CCL24: variants seen among roughly 807,000 people sequenced by gnomAD.
CCL24 encodes C-C motif chemokine ligand 24.
In CCL24, 6 loss-of-function variants were observed where a neutral mutation model predicts 8.6. The ratio of observed to expected loss-of-function variants is 0.70; its 90% confidence interval spans 0.38 to 1.38. The LOEUF (loss-of-function observed/expected upper bound fraction) is 1.38. Among genes scored for constraint, CCL24 ranks in the 40% most tolerant of loss-of-function variants. CCL24 has a pLI of 0.02. For missense variants in CCL24, 126 were observed against 147.1 expected (o/e 0.86, Z 0.74); for synonymous variants, 59 against 52.7 (o/e 1.12, Z -0.52).
At position 75,820,058 on chromosome 7, in the gene CCL24, CTT is replaced by C. The variant is rs1371792966; in HGVS notation, c.-60+3262_-60+3263del. On this transcript the variant is annotated intron_variant, in intron 1 of 3. Transcript: ENST00000416943. Reference sequence around the variant, plus strand: ...TCTTCTTCTTCTTCTTCTTCTTCTTCTTCTTCTTCTTCTTCTTCTTCTTCTTC... The same window carrying C: ...TCTTCTTCTTCTTCTTCTTCTTCTTCCTTCTTCTTCTTCTTCTTCTTCTTC... Among the ~76,000 whole-genome samples the C allele has an allele frequency of 2.3e-5, 3 of 133,306 alleles. No individual in the cohort carries two copies. The East Asian group carries it at 8.2e-4, about 36-fold the overall frequency. 87.5% of individuals were successfully genotyped at this position (133,306 alleles called of 152,430 possible).
At chr7:75,821,904 G>C (rs1252131679) in intron 1 of CCL24, among the ~76,000 whole-genome samples, 1 of 150,228 alleles carries the variant, frequency 6.7e-6, no homozygotes, top group African/African-American at 2.4e-5. Context: ...CTCCAGCCTG[G>C]GCGACAGAGC....
At chr7:75,819,285 AAAAAAAAAAAAAAAAAAAATATAT>A (rs1377932506) in intron 1 of CCL24, among the ~76,000 whole-genome samples, 2 of 24,144 alleles carry the variant, frequency 8.3e-5, no homozygotes, top group African/African-American at 1.5e-4. Flanking sequence ...AAAAAAAAAA[AAAAAAAAAAAAAAAAAAAATATAT>A]ATATATATAT....
At chr7:75,813,564 C>A in intron 1 of CCL24, 79 bp downstream of exon 1, 1 of 1,380,462 alleles carries the variant, frequency 7.2e-7, no homozygotes, top group South Asian at 1.2e-5. Context: ...TCCCTCCAGC[C>A]CCAGGCTGGT....
At chr7:75,820,838 T>TCCATCCATCCCTCCAC (rs1804034120) in intron 1 of CCL24, among the ~76,000 whole-genome samples, 1 of 150,976 alleles carries the variant, frequency 6.6e-6, no homozygotes. Context: ...CATCCATCCA[T>TCCATCCATCCCTCCAC]CCATCCATCC....
At chr7:75,821,017 A>AACTATAT (rs1318822326) in intron 1 of CCL24, among the ~76,000 whole-genome samples, 1 of 152,096 alleles carries the variant, frequency 6.6e-6, no homozygotes, top group Non-Finnish European at 1.5e-5. Flanking sequence ...TACCAAGAAA[A>AACTATAT]ACTATATACA....
chr7:75,818,693 G>A (rs1438383292), upstream of CCL24, among the ~76,000 whole-genome samples: 5 of 150,678 alleles, frequency 3.3e-5, no homozygotes, highest in East Asian at 8.0e-4. Flanking sequence ...AGCATGTGTG[G>A]AGGAGGCTGG....
upstream of CCL24, among the ~76,000 whole-genome samples, chr7:75,816,943 C>T (rs1306056631): frequency 6.6e-6 from 1 of 151,950 alleles, no homozygotes; most frequent in East Asian, 1.9e-4. Flanking sequence ...TAGCTCATTG[C>T]AGCTTCCAAC....
chr7:75,820,081 T>TCTG (rs1563353878), intron 1 of CCL24, among the ~76,000 whole-genome samples: 24 of 142,468 alleles, frequency 1.7e-4, no homozygotes, highest in African/African-American at 5.9e-4. Flanking sequence ...TTCTTCTTCT[T>TCTG]CTTCTTCCTC....
intron 1 of CCL24, among the ~76,000 whole-genome samples, chr7:75,820,762 CCCAT>C (rs1358411674): frequency 6.6e-6 from 1 of 150,582 alleles, no homozygotes; most frequent in Non-Finnish European, 1.5e-5. Flanking sequence ...CACCCCTCCA[CCCAT>C]CCATCCATTC....
chr7:75,813,425 T>C lies in CCL24; in HGVS notation c.74-2A>G, dbSNP rs782444180. 15 of 1,597,746 alleles carry C rather than the reference T, an allele frequency of 9.4e-6. No homozygotes were observed. Among genetic ancestry groups the C allele is most frequent in the African/African-American group, 1.3e-5 (1 of 74,648 alleles). ...AGGGAGAGGGGATGACCACAGAGCC[T>C]AGAAGAGGAGAGAGAGAAGAGCCAC... is the stretch of plus-strand genomic sequence containing the variant. On this transcript the variant is annotated splice_acceptor_variant, in intron 1 of 2. Transcript: ENST00000222902. LOFTEE classifies it high-confidence loss of function.
intron 1 of CCL24, among the ~76,000 whole-genome samples, chr7:75,821,252 A>C (rs1804044112): frequency 6.6e-6 from 1 of 152,106 alleles, no homozygotes; most frequent in Admixed American, 6.6e-5. Flanking sequence ...AAGCCCTGGA[A>C]GCCACAGAGA....
At chr7:75,820,323 C>G (rs143525277) in intron 1 of CCL24, among the ~76,000 whole-genome samples, 2 of 151,808 alleles carry the variant, frequency 1.3e-5, no homozygotes, top group East Asian at 3.9e-4. Flanking sequence ...GGATTACAGG[C>G]GCACGCCACC....
intron 1 of CCL24, among the ~76,000 whole-genome samples, chr7:75,820,015 ACTACTTCTTCTTCTT>A (rs1187062081): frequency 1.2e-5 from 1 of 84,386 alleles, no homozygotes; most frequent in African/African-American, 4.3e-5. Context: ...CTTTTAGTAA[ACTACTTCTTCTTCTT>A]CTTCTTCTTC....
At chr7:75,818,446 CAAAAA>C (rs782549486), upstream of CCL24, among the ~76,000 whole-genome samples, 1 of 70,124 alleles carries the variant, frequency 1.4e-5, no homozygotes. Flanking sequence ...GACTCCGTCT[CAAAAA>C]AAAAAAAAAA....
chr7:75,819,081 C>A (rs1443866223), intron 1 of CCL24, among the ~76,000 whole-genome samples: 8 of 148,062 alleles, frequency 5.4e-5, no homozygotes, highest in Admixed American at 6.8e-5. Context: ...CCAGCCTGAC[C>A]AACATAGAGA....
At chr7:75,817,677 T>C (rs1240399839), upstream of CCL24, among the ~76,000 whole-genome samples, 1 of 150,374 alleles carries the variant, frequency 6.7e-6, no homozygotes, top group Non-Finnish European at 1.5e-5. Flanking sequence ...TAGTTTTTGT[T>C]TTTTTAGTAA....
intron 1 of CCL24, among the ~76,000 whole-genome samples, chr7:75,819,745 A>G (rs1803984907): frequency 6.6e-6 from 1 of 152,044 alleles, no homozygotes; most frequent in African/African-American, 2.4e-5. Context: ...AAAGAAAGAA[A>G]AAAAATCCTG....
rs782518263 is a variant in CCL24 at position 75,813,334 on chromosome 7, T to C, written c.163A>G (p.Arg55Gly). The C allele has an allele frequency of 1.2e-6, 2 of 1,612,104 alleles. No individual in the cohort carries two copies. Among genetic ancestry groups the C allele is most frequent in the Non-Finnish European group, 1.7e-6 (2 of 1,178,384 alleles). Residue 55 changes from arginine to glycine, a missense_variant, in exon 2 of 3, where the codon AGG becomes GGG. Coordinates refer to ENST00000222902, the MANE Select transcript of CCL24 (RefSeq NM_002991.3). Reference sequence around the variant, plus strand: ...ACTCCTGCCTTGAGGCATGTGCTCCTGCTGGACAGCTGGTAGCTGACCACT... The same window carrying C: ...ACTCCTGCCTTGAGGCATGTGCTCCCGCTGGACAGCTGGTAGCTGACCACT... Reference protein sequence around the residue: ...NRVVSYQLSSRSTCLKAGVIF... With the variant: ...NRVVSYQLSSGSTCLKAGVIF...
chr7:75,820,077 T>TTCTTCTTCTTCC, intron 1 of CCL24, among the ~76,000 whole-genome samples: 1 of 138,450 alleles, frequency 7.2e-6, no homozygotes, highest in African/African-American at 2.6e-5. Flanking sequence ...CTTCTTCTTC[T>TTCTTCTTCTTCC]TCTTCTTCTT....
Sources: gnomAD v4.1 joint callset for allele counts (sites outside exome capture counted in the v4.1 genomes callset) on GRCh38, gnomAD v4.1.1 for gene constraint, MANE v1.5 for transcripts, NCBI Gene and HGNC (gene_info 2026-07-23, HGNC 2026-07-21) for gene names.